The following HMOX2 variants were observed in gnomAD, a reference collection of about 807,000 sequenced individuals.
HMOX2 encodes the protein heme oxygenase (decycling) 2.
In HMOX2, 30 loss-of-function variants were observed where a neutral mutation model predicts 33.7. The observed-to-expected ratio is 0.89, with a 90% CI of 0.67 to 1.21. HMOX2 has a LOEUF of 1.21. HMOX2 is among the 50% of genes most tolerant of loss of function. HMOX2 has a pLI of 0.00. For synonymous variants in HMOX2, 155 were observed against 155.0 expected, an observed-to-expected ratio of 1.00 and a Z score of 0.00; for missense variants, 403 against 399.1, an observed-to-expected ratio of 1.01 and a Z score of -0.08.
chr16:4,509,016 A>C (rs1418665584), intron 4 of HMOX2, among the ~76,000 whole-genome samples: 1 of 152,188 alleles, frequency 6.6e-6, no homozygotes. Flanking sequence ...CACCTGAGCA[A>C]GCTCACCTGC....
chr16:4,486,834 T>C (rs1183270714), intron 1 of HMOX2, among the ~76,000 whole-genome samples: 1 of 152,234 alleles, frequency 6.6e-6, no homozygotes, highest in Non-Finnish European at 1.5e-5. Flanking sequence ...TAGGCCAAGC[T>C]CAAGGTCCTG....
chr16:4,493,093 G>C (rs1262545124), intron 1 of HMOX2, among the ~76,000 whole-genome samples: 1 of 152,114 alleles, frequency 6.6e-6, no homozygotes, highest in African/African-American at 2.4e-5. Context: ...GAATTCAGTA[G>C]TTCAGTCATA....
At chr16:4,481,469 G>A (rs1382134880) in intron 1 of HMOX2, among the ~76,000 whole-genome samples, 1 of 152,002 alleles carries the variant, frequency 6.6e-6, no homozygotes, top group Non-Finnish European at 1.5e-5. Flanking sequence ...ATTTTTATGC[G>A]AAACACCTGT....
chr16:4,506,873 A>G (rs947972787), intron 2 of HMOX2, 22 bp from the exon 3 acceptor site: 7 of 1,554,226 alleles, frequency 4.5e-6, no homozygotes, highest in African/African-American at 1.4e-5. Context: ...TTGACACACA[A>G]ACACCTCCCA....
intron 1 of HMOX2, among the ~76,000 whole-genome samples, chr16:4,501,148 C>T (rs970156349): frequency 3.2e-4 from 49 of 152,104 alleles, no homozygotes; most frequent in African/African-American, 1.1e-3. Flanking sequence ...CTTCCCTTCG[C>T]TGCCTTCCCC....
intron 4 of HMOX2, 82 bp from the exon 5 acceptor site, chr16:4,509,330 A>G: frequency 0.099 from 104,357 of 1,052,640 alleles, 1 homozygote; most frequent in Non-Finnish European, 0.13. Context: ...GGCAACAGAG[A>G]CCTCATCTCA....
chr16:4,490,091 A>G (rs367566828), intron 1 of HMOX2, among the ~76,000 whole-genome samples: 48 of 151,992 alleles, frequency 3.2e-4, no homozygotes, highest in African/African-American at 1.1e-3. Flanking sequence ...GAAAACAAAC[A>G]TATAAACATA....
chr16:4,479,826 C>T (rs1415779651), intron 1 of HMOX2, among the ~76,000 whole-genome samples: 1 of 146,972 alleles, frequency 6.8e-6, no homozygotes, highest in South Asian at 2.1e-4. Flanking sequence ...GCAACCTCCG[C>T]CTCCTGGGTT....
chr16:4,478,067 T>C (rs1056547437), intron 1 of HMOX2, among the ~76,000 whole-genome samples: 1 of 152,190 alleles, frequency 6.6e-6, no homozygotes, highest in African/African-American at 2.4e-5. Flanking sequence ...GTGTGGGAAT[T>C]TGTGGAGCCT....
chr16:4,479,730 T>A (rs2057967019), intron 1 of HMOX2, among the ~76,000 whole-genome samples: 2 of 12,638 alleles, frequency 1.6e-4, no homozygotes, highest in East Asian at 3.3e-3. Flanking sequence ...TATTCTATTT[T>A]TTTTTTTTTT....
At chr16:4,491,073 T>C (rs1400664263) in intron 1 of HMOX2, among the ~76,000 whole-genome samples, 1 of 152,232 alleles carries the variant, frequency 6.6e-6, no homozygotes, top group East Asian at 1.9e-4. Flanking sequence ...TCCAAACATG[T>C]TCCTTGGGGG....
intron 1 of HMOX2, among the ~76,000 whole-genome samples, chr16:4,481,156 C>A (rs558063451): frequency 1.3e-5 from 2 of 151,242 alleles, no homozygotes; most frequent in Admixed American, 6.6e-5. Flanking sequence ...ACCATGCTGG[C>A]TAACACGGTG....
chr16:4,505,829 G>A (rs1398486419), intron 2 of HMOX2, among the ~76,000 whole-genome samples: 3 of 152,232 alleles, frequency 2.0e-5, no homozygotes, highest in Non-Finnish European at 4.4e-5. Context: ...CAGGGCAGGT[G>A]CTCCTGGGAG....
chr16:4,509,884 A>C lies in HMOX2; in HGVS notation c.*128A>C. 9.5e-7 allele frequency: 1 copy of C among 1,048,548 alleles called. No homozygotes were observed. The highest frequency in any genetic ancestry group is 1.4e-6 in the Non-Finnish European group (1 of 733,716). The allele number at this position is 1,048,548 out of a possible 1,614,324, so 65.0% of individuals were successfully genotyped here. A position where few individuals can be genotyped will look rare whatever the true frequency, so the allele number is the denominator to read the frequency against. On this transcript the variant is annotated 3_prime_UTR_variant, in exon 6 of 6. Transcript: ENST00000570646. ...ATGCTGGGTTTAAGAAAGGCAACCA[A>C]TAAAAGCCAGATGCTAGAGCCTCTG...
upstream of HMOX2, among the ~76,000 whole-genome samples, chr16:4,475,754 A>G (rs966158743): frequency 1.3e-4 from 19 of 151,582 alleles, 1 homozygote; most frequent in African/African-American, 4.6e-4. Flanking sequence ...CCTGGCCAAC[A>G]TGGTGAAACC....
intron 1 of HMOX2, 119 bp from the exon 2 acceptor site, chr16:4,505,365 A>G: frequency 3.5e-6 from 2 of 565,968 alleles, no homozygotes; most frequent in Non-Finnish European, 6.4e-6. Context: ...AAAGAAAACA[A>G]TCCTGGGGTG....
rs145235886 is a variant in HMOX2 at position 4,507,723 on chromosome 16, C to T, written c.215C>T (p.Thr72Met). The T allele has an allele frequency of 4.2e-5, 67 of 1,613,466 alleles. No individual in the cohort carries two copies. Among genetic ancestry groups the T allele is most frequent in the Admixed American group, 6.7e-5 (4 of 59,980 alleles). Residue 72 changes from threonine to methionine, a missense_variant, in exon 4 of 6, where the codon ACG becomes ATG. Transcript: ENST00000570646. ...CTGTCACCTCCACAGCTGGCCACCACGGCACTTTACTTCACATACTCAGCC... is the reference window on the plus strand; with the variant it reads ...CTGTCACCTCCACAGCTGGCCACCATGGCACTTTACTTCACATACTCAGCC... ...IKKELFKLAT[T>M]ALYFTYSALE...
In HMOX2 at chr16:4,506,743, C is replaced by G; in HGVS notation, c.87-152C>G. ...TCCTGTGTTCCCTGACAAGTTGCTG[C>G]TATTTGTGTTGGAGTGAAGTGTCTG... On this transcript the variant is annotated intron_variant, in intron 2 of 5. Transcript: ENST00000570646. 3 of 655,276 alleles carry G rather than the reference C, an allele frequency of 4.6e-6. 1 individual carries two copies. The South Asian group carries it at 5.5e-5, about 12-fold the overall frequency. The allele number at this position is 655,276 out of a possible 1,614,324, so 40.6% of individuals were successfully genotyped here.
chr16:4,495,332 A>G (rs909692047), intron 1 of HMOX2, among the ~76,000 whole-genome samples: 1 of 152,186 alleles, frequency 6.6e-6, no homozygotes, highest in Non-Finnish European at 1.5e-5. Flanking sequence ...AAAGCCGACC[A>G]TCCTTCTTTG....
Sources: gnomAD v4.1 joint callset for allele counts (sites outside exome capture counted in the v4.1 genomes callset) on GRCh38, gnomAD v4.1.1 for gene constraint, MANE v1.5 for transcripts, NCBI Gene and HGNC (gene_info 2026-07-23, HGNC 2026-07-21) for gene names.